The following KDM7A variants were observed in gnomAD, a reference collection of about 807,000 sequenced individuals.
The protein encoded by KDM7A is lysine demethylase 7A, also known as lysine-specific demethylase 7A.
A neutral mutation model predicts 114.8 loss-of-function variants in KDM7A; 28 were observed. The observed-to-expected ratio is 0.24, with a 90% CI of 0.18 to 0.33. The LOEUF is 0.33. KDM7A is among the 10% of genes least tolerant of loss of function. KDM7A has a pLI of 1.00. For synonymous variants in KDM7A, 423 were observed against 397.8 expected, an observed-to-expected ratio of 1.06 and a Z score of -0.75; for missense variants, 942 against 1,142.5, an observed-to-expected ratio of 0.82 and a Z score of 2.53.
chr7:140,133,686 AT>A, intron 2 of KDM7A, 30 bp from the exon 3 acceptor site: 3 of 1,297,710 alleles, frequency 2.3e-6, no homozygotes, highest in Non-Finnish European at 2.2e-6. Flanking sequence ...AAAAAAAATG[AT>A]TTTGGTAACT....
chr7:140,150,114 A>G (rs186615245), intron 1 of KDM7A, among the ~76,000 whole-genome samples: 23 of 152,282 alleles, frequency 1.5e-4, no homozygotes, highest in African/African-American at 5.1e-4. Context: ...GTGAAACAGC[A>G]CTAAGCACCT....
chr7:140,088,839 T>C lies in KDM7A; in HGVS notation c.*2255A>G, dbSNP rs113592167. 1.3e-4 allele frequency: 34 copies of C among 261,112 alleles called. No individual in the cohort carries two copies. The highest frequency in any genetic ancestry group is 7.5e-4 in the African/African-American group (34 of 45,396). 16.2% of individuals were successfully genotyped at this position (261,112 alleles called of 1,614,324 possible). The stretch of plus-strand genomic sequence containing the variant: ...GGACACAGTGGATACTGGCCACAAT[T>C]TTAATTCATAAAAATAAATTAAATT... On this transcript the variant is annotated 3_prime_UTR_variant, in exon 20 of 20. Transcript: ENST00000397560.
intron 1 of KDM7A, among the ~76,000 whole-genome samples, chr7:140,155,539 C>T (rs1476257230): frequency 6.6e-6 from 1 of 152,134 alleles, no homozygotes; most frequent in Non-Finnish European, 1.5e-5. Flanking sequence ...TATCAGAATA[C>T]GGAGTGGGCA....
At chr7:140,116,525 A>T (rs1371330192) in intron 9 of KDM7A, among the ~76,000 whole-genome samples, 9 of 152,188 alleles carry the variant, frequency 5.9e-5, no homozygotes, top group Non-Finnish European at 1.0e-4. Context: ...AGGGAAGCGG[A>T]AAGGTGTAAT....
chr7:140,125,213 T>C (rs1818680088), intron 6 of KDM7A, among the ~76,000 whole-genome samples: 1 of 152,220 alleles, frequency 6.6e-6, no homozygotes, highest in Non-Finnish European at 1.5e-5. Flanking sequence ...AATTCTTTGC[T>C]ACTTCATGAA....
At chr7:140,109,490 C>A (rs1305666778) in intron 11 of KDM7A, among the ~76,000 whole-genome samples, 1 of 152,180 alleles carries the variant, frequency 6.6e-6, no homozygotes, top group African/African-American at 2.4e-5. Context: ...CTGATGGACA[C>A]CTGGGTTGCT....
chr7:140,096,920 C>G lies in KDM7A; in HGVS notation c.2144G>C (p.Arg715Thr). 1 of 1,613,896 alleles carries G rather than the reference C, an allele frequency of 6.2e-7. No individual in the cohort carries two copies. The highest frequency in any genetic ancestry group is 8.5e-7 in the Non-Finnish European group (1 of 1,179,864). Residue 715 changes from arginine (R) to threonine (T), a missense_variant, in exon 16 of 20, where the codon AGA becomes ACA. Physicochemically the swap from Arg to Thr is moderately conservative, Grantham distance 71 (BLOSUM62 -1). Transcript: ENST00000397560. Reference sequence around the variant, plus strand: ...CTACCTTTTAATTGGAATTTCACTTCTAGATGGCTTCTGGCTCTTTTGAAG... The same window carrying G: ...CTACCTTTTAATTGGAATTTCACTTGTAGATGGCTTCTGGCTCTTTTGAAG... ...NFLQKSQKPS[R>T]SEIPIKRECP...
intron 14 of KDM7A, 47 bp from the exon 15 acceptor site, chr7:140,097,689 C>A (rs569701409): frequency 9.1e-7 from 1 of 1,101,546 alleles, no homozygotes; most frequent in Admixed American, 1.7e-5. Flanking sequence ...CATTTGACTA[C>A]GATGAACAAG....
chr7:140,119,802 A>T (rs1266856865), intron 8 of KDM7A, among the ~76,000 whole-genome samples: 1 of 152,190 alleles, frequency 6.6e-6, no homozygotes, highest in Admixed American at 6.5e-5. Flanking sequence ...GCTTCTAGGG[A>T]TCTCTATGAG....
chr7:140,101,981 G>A lies in KDM7A; in HGVS notation c.1608C>T (p.Leu536=), dbSNP rs749949118. Residue 536 remains leucine (L), a synonymous_variant, in exon 12 of 20, where the codon CTC becomes CTT. Coordinates refer to ENST00000397560, the MANE Select transcript of KDM7A (RefSeq NM_030647.2). The stretch of plus-strand genomic sequence containing the variant: ...CCCATGGACACATCTCTAATCTTTT[G>A]AGGACCTCCCTTGTGTGGAGCTCTA... The part of the protein sequence containing the change: ...DILELHTREV[L]KRLEMCPWEE... 5.0e-6 allele frequency: 8 copies of A among 1,613,400 alleles called. No individual in the cohort carries two copies. The East Asian group carries it at 1.8e-4, about 36-fold the overall frequency.
chr7:140,164,144 CA>C lies in KDM7A; in HGVS notation c.194+12599del, dbSNP rs551321050. 1.8e-3 allele frequency among the ~76,000 whole-genome samples: 280 copies of C among 152,188 alleles called. 2 individuals carry two copies. The highest frequency in any genetic ancestry group is 6.5e-3 in the African/African-American group (270 of 41,502). ...GAATCTGATCAAGCTTCTCTAAAGC[CA>C]ACTACCAATTTATAGGAAAGTGAGA... On this transcript the variant is annotated intron_variant, in intron 1 of 19. Transcript: ENST00000397560.
At chr7:140,125,295 T>A (rs1385223879) in intron 6 of KDM7A, among the ~76,000 whole-genome samples, 1 of 152,194 alleles carries the variant, frequency 6.6e-6, no homozygotes, top group Non-Finnish European at 1.5e-5. Context: ...AAGCATTTGA[T>A]ATAGATGAAG....
chr7:140,126,462 TAA>T (rs34839940), intron 6 of KDM7A, among the ~76,000 whole-genome samples, 173 bp downstream of exon 6: 8,792 of 143,606 alleles, frequency 0.061, 327 homozygotes, highest in East Asian at 0.14. Context: ...TATTTGAGAT[TAA>T]AAAAAAAAAT....
intron 15 of KDM7A, 36 bp from the exon 16 acceptor site, chr7:140,097,083 A>G: frequency 6.5e-7 from 1 of 1,543,700 alleles, no homozygotes; most frequent in Non-Finnish European, 8.9e-7. Context: ...AAGCTACATA[A>G]GAAATTGACC....
rs55684353 is a variant in KDM7A at position 140,155,241 on chromosome 7, T to G, written c.195-16051A>C. On this transcript the variant is annotated intron_variant, in intron 1 of 19. Transcript: ENST00000397560. ...CTAATGACTGAGTCAAATCTTCTTA[T>G]GTAGATCAAAATACAAGACCTACAT... is the stretch of plus-strand genomic sequence containing the variant. 1.8e-3 allele frequency among the ~76,000 whole-genome samples: 275 copies of G among 152,332 alleles called. 2 individuals are homozygous for G. The highest frequency in any genetic ancestry group is 0.011 in the South Asian group (55 of 4,830).
intron 1 of KDM7A, among the ~76,000 whole-genome samples, chr7:140,169,507 T>C (rs921015667): frequency 1.3e-5 from 2 of 152,122 alleles, no homozygotes; most frequent in African/African-American, 4.8e-5. Context: ...AGCAGAAATA[T>C]ACCCCAAACT....
chr7:140,148,635 ATTG>A (rs1467599719), intron 1 of KDM7A, among the ~76,000 whole-genome samples: 3 of 152,202 alleles, frequency 2.0e-5, no homozygotes, highest in African/African-American at 7.2e-5. Flanking sequence ...TCACTTTTAA[ATTG>A]TTAATCGTTT....
At chr7:140,121,753 T>C (rs1239386219) in intron 7 of KDM7A, among the ~76,000 whole-genome samples, 1 of 152,142 alleles carries the variant, frequency 6.6e-6, no homozygotes, top group Non-Finnish European at 1.5e-5. Context: ...ACAAAGCCTG[T>C]CCTATTAACT....
In KDM7A at chr7:140,092,081, A is replaced by C; in HGVS notation, c.2458-4T>G. The C allele has an allele frequency of 1.2e-6, 2 of 1,613,644 alleles. No individual in the cohort carries two copies. Among genetic ancestry groups the C allele is most frequent in the Non-Finnish European group, 1.7e-6 (2 of 1,179,676 alleles). ...ATTTCTGGCTTCTACTTAGATCCTG[A>C]AGGAGGAGGAAGGACATGAGGCTGA... is the stretch of plus-strand genomic sequence containing the variant. On this transcript the variant is annotated splice_polypyrimidine_tract_variant and splice_region_variant and intron_variant, in intron 18 of 19. Coordinates refer to ENST00000397560, the MANE Select transcript of KDM7A (RefSeq NM_030647.2).
Sources: allele counts gnomAD v4.1 joint callset (sites outside exome capture counted in the v4.1 genomes callset), GRCh38; gene constraint gnomAD v4.1.1; transcripts MANE v1.5; gene names NCBI Gene and HGNC (gene_info 2026-07-23, HGNC 2026-07-21).